Variants in COL5A1 observed in about 807,000 individuals in gnomAD.
COL5A1 encodes collagen type V alpha 1 chain.
A neutral mutation model predicts 263.7 loss-of-function variants in COL5A1; 16 were observed. The observed-to-expected ratio is 0.06, with a 90% CI of 0.04 to 0.09. COL5A1 has a LOEUF of 0.09. Ranked by LOEUF, COL5A1 falls within the 10% of genes least tolerant of loss-of-function variation. The probability of loss-of-function intolerance (pLI) is 1.00; values close to 1 mark genes in which losing one functional copy is unlikely to be tolerated. For synonymous variants in COL5A1, 1,012 were observed against 1,004.5 expected, an observed-to-expected ratio of 1.01 and a Z score of -0.14; for missense variants, 2,036 against 2,540.5, an observed-to-expected ratio of 0.80 and a Z score of 4.27.
At chr9:134,767,249 G>A in intron 23 of COL5A1, 61 bp from the exon 24 acceptor site, 2 of 1,559,162 alleles carry the variant, frequency 1.3e-6, no homozygotes, top group Non-Finnish European at 1.8e-6. Context: ...CAGATGGCAG[G>A]GGAGGGTTCT....
At chr9:134,760,652 C>T (rs1836361712) in intron 18 of COL5A1, among the ~76,000 whole-genome samples, 1 of 103,600 alleles carries the variant, frequency 9.7e-6, no homozygotes, top group South Asian at 3.1e-4. Context: ...TACACTCATG[C>T]ACACACACAC....
At position 134,842,625 on chromosome 9, in the gene COL5A1, G is replaced by C. The variant is rs959631690; in HGVS notation, c.*322G>C. 2.0e-6 allele frequency: 1 copy of C among 491,758 alleles called. No homozygotes were observed. The highest frequency in any genetic ancestry group is 3.7e-6 in the Non-Finnish European group (1 of 271,696). 30.5% of individuals were successfully genotyped at this position (491,758 alleles called of 1,614,324 possible). On this transcript the variant is annotated 3_prime_UTR_variant, in exon 66 of 66. Transcript: ENST00000371817. The surrounding 1 kb of genome is among the most constrained non-coding windows in gnomAD (Gnocchi z 5.8). ...CCCCCCAGCTCGCCCGACCCATCCT[G>C]TTCGTGAATAGGTCTCAGGGGTTGG...
intron 29 of COL5A1, among the ~76,000 whole-genome samples, chr9:134,783,381 G>A (rs1009774245): frequency 9.9e-5 from 15 of 152,218 alleles, no homozygotes; most frequent in African/African-American, 3.6e-4. Flanking sequence ...AGAAAGTGAC[G>A]GGCTGCACGT....
At chr9:134,806,394 AT>A in intron 42 of COL5A1, 98 bp downstream of exon 42, 2 of 854,352 alleles carry the variant, frequency 2.3e-6, no homozygotes, top group Non-Finnish European at 1.8e-6. Flanking sequence ...CCCCAGGGGT[AT>A]TTCCTTGGGA....
intron 1 of COL5A1, among the ~76,000 whole-genome samples, chr9:134,687,691 C>A (rs374874259): frequency 6.6e-6 from 1 of 152,164 alleles, no homozygotes; most frequent in Non-Finnish European, 1.5e-5. Flanking sequence ...GGAGACCACA[C>A]GCGTGATGCC....
chr9:134,714,638 ATGG>A (rs546123022), intron 4 of COL5A1, among the ~76,000 whole-genome samples: 73 of 108,250 alleles, frequency 6.7e-4, no homozygotes, highest in African/African-American at 1.6e-3. Context: ...GGTGGAGGTG[ATGG>A]TGGTGGTGGT....
chr9:134,677,108 G>A lies in COL5A1; in HGVS notation c.110-13804G>A, dbSNP rs998596944. ...AGAAGAGGCAGGGACACCAGGAAGC[G>A]GCGGTCCATCCCCTCGTGATTGGTG... On this transcript the variant is annotated intron_variant, in intron 1 of 65. Coordinates refer to ENST00000371817, the MANE Select transcript of COL5A1 (RefSeq NM_000093.5). This position sits in a 1 kb window ranked among gnomAD's most constrained non-coding sequence, Gnocchi z 4.4. 6.6e-6 allele frequency among the ~76,000 whole-genome samples: 1 copy of A among 152,200 alleles called. No individual in the cohort carries two copies. The highest frequency in any genetic ancestry group is 2.4e-5 in the African/African-American group (1 of 41,458).
At position 134,700,086 on chromosome 9, in the gene COL5A1, A is replaced by G. The variant is rs748051496; in HGVS notation, c.455A>G (p.Tyr152Cys). ...ACGGGGAAGCCTGGCCCGGAAGACT[A>G]CCCCCTCTTCCGGGGCATCAACCTG... ...DHTGKPGPED[Y>C]PLFRGINLSD... is the part of the protein sequence containing the mutation. Residue 152 changes from tyrosine to cysteine, a missense_variant, in exon 3 of 66, where the codon TAC becomes TGC. By Grantham distance (194) the Tyr-to-Cys change is radical (BLOSUM62 -2). Transcript: ENST00000371817. The surrounding 1 kb of genome is among the most constrained non-coding windows in gnomAD (Gnocchi z 4.0). 2 of 1,610,204 alleles carry G rather than the reference A, an allele frequency of 1.2e-6. No homozygotes were observed. The highest frequency in any genetic ancestry group is 1.1e-5 in the South Asian group (1 of 91,062).
chr9:134,715,613 C>G lies in COL5A1; in HGVS notation c.655-11653C>G, dbSNP rs181227275. Among the ~76,000 whole-genome samples the G allele has an allele frequency of 3.0e-4, 46 of 152,262 alleles. No individual in the cohort carries two copies. In the East Asian group the frequency reaches 8.5e-3, roughly 28 times the overall value. On this transcript the variant is annotated intron_variant, in intron 4 of 65. Transcript: ENST00000371817. Reference sequence around the variant, plus strand: ...GCGGCCTTCTGCAGTGTTTTGTGTCCCTAGGTACTTGAGATTAAGGAGTGG... The same window carrying G: ...GCGGCCTTCTGCAGTGTTTTGTGTCGCTAGGTACTTGAGATTAAGGAGTGG...
chr9:134,691,204 C>A, intron 2 of COL5A1, 125 bp downstream of exon 2: 2 of 1,249,410 alleles, frequency 1.6e-6, no homozygotes, highest in Non-Finnish European at 2.3e-6. Flanking sequence ...GCCCCTCTCA[C>A]GAGCCCGGCT....
chr9:134,687,908 G>A (rs896119236), intron 1 of COL5A1, among the ~76,000 whole-genome samples: 2 of 152,338 alleles, frequency 1.3e-5, no homozygotes, highest in East Asian at 1.9e-4. Flanking sequence ...TCCACCCTCT[G>A]GTGGGGGGTG....
At position 134,738,362 on chromosome 9, in the gene COL5A1, A is replaced by G. The variant is rs554415261; in HGVS notation, c.1390-112A>G. On this transcript the variant is annotated intron_variant, in intron 9 of 65. Coordinates refer to ENST00000371817, the MANE Select transcript of COL5A1 (RefSeq NM_000093.5). ...GCTCGTGACTCCCCAGGACAGCAGG[A>G]GCTGAGCCAGGGCCTCTTGTGCATG... 174 of 1,196,358 alleles carry G rather than the reference A, an allele frequency of 1.5e-4. No homozygotes were observed. The South Asian group carries it at 2.1e-3, about 14-fold the overall frequency. The allele number at this position is 1,196,358 out of a possible 1,614,324, so 74.1% of individuals were successfully genotyped here.
At chr9:134,828,537 ACACCACAGAGATACG>A (rs1281130183) in intron 63 of COL5A1, among the ~76,000 whole-genome samples, 60 of 149,844 alleles carry the variant, frequency 4.0e-4, no homozygotes, top group African/African-American at 1.4e-3. Context: ...CACATACCAC[ACACCACAGAGATACG>A]CACCACACAC....
chr9:134,813,625 C>T (rs548103940), intron 48 of COL5A1, among the ~76,000 whole-genome samples: 1 of 152,350 alleles, frequency 6.6e-6, no homozygotes, highest in Admixed American at 6.5e-5. Flanking sequence ...CTGAGGACTG[C>T]GTGCCTGTCC....
intron 1 of COL5A1, among the ~76,000 whole-genome samples, chr9:134,648,304 A>AATAT (rs58079380): frequency 1.3e-4 from 15 of 116,732 alleles, no homozygotes; most frequent in Non-Finnish European, 2.1e-4. Flanking sequence ...ATATATATAT[A>AATAT]ATATATATAT....
chr9:134,792,767 G>A (rs1195450975), intron 32 of COL5A1, among the ~76,000 whole-genome samples: 1 of 41,398 alleles, frequency 2.4e-5, no homozygotes, highest in Non-Finnish European at 4.2e-5. Context: ...GCATGTGTGT[G>A]TGTGCGTGTG....
intron 4 of COL5A1, among the ~76,000 whole-genome samples, chr9:134,704,083 T>C (rs1833764330): frequency 6.6e-6 from 1 of 152,160 alleles, no homozygotes; most frequent in South Asian, 2.1e-4. Flanking sequence ...TAGTGCTTCA[T>C]TGATATTCTA....
At chr9:134,744,272 AG>A (rs1321990017) in intron 11 of COL5A1, among the ~76,000 whole-genome samples, 2 of 151,700 alleles carry the variant, frequency 1.3e-5, no homozygotes, top group Non-Finnish European at 2.9e-5. Flanking sequence ...CACACACTCA[AG>A]CACACACGCT....
At chr9:134,827,216 T>A (rs972515511) in intron 63 of COL5A1, among the ~76,000 whole-genome samples, 1 of 152,172 alleles carries the variant, frequency 6.6e-6, no homozygotes, top group Non-Finnish European at 1.5e-5. Context: ...AGCAGCTACG[T>A]TCTCCCCAGG....
Sources: allele counts gnomAD v4.1 joint callset (sites outside exome capture counted in the v4.1 genomes callset), GRCh38; gene constraint gnomAD v4.1.1; non-coding constraint Gnocchi (gnomAD v3.1); transcripts MANE v1.5; gene names NCBI Gene and HGNC (gene_info 2026-07-23, HGNC 2026-07-21).